ANGPT1: variants seen among roughly 807,000 people sequenced by gnomAD.
ANGPT1 encodes the protein angiopoietin 1.
In ANGPT1, 17 loss-of-function variants were observed where a neutral mutation model predicts 62.2. The ratio of observed to expected loss-of-function variants is 0.27; its 90% CI spans 0.19 to 0.41. ANGPT1 has a LOEUF of 0.41. Among genes scored for constraint, ANGPT1 ranks in the 10% least tolerant of loss-of-function variants. ANGPT1 has a pLI of 1.00. For missense variants in ANGPT1, 478 were observed against 594.9 expected, an observed-to-expected ratio of 0.80 and a Z score of 2.04; for synonymous variants, 199 against 198.9, an observed-to-expected ratio of 1.00 and a Z score of 0.00.
chr8:107,469,755 T>C (rs1489485874), intron 1 of ANGPT1, among the ~76,000 whole-genome samples: 1 of 152,110 alleles, frequency 6.6e-6, no homozygotes, highest in Admixed American at 6.6e-5. Flanking sequence ...CTGCAATACA[T>C]GCTTTTTTTG....
At chr8:107,379,270 T>TC (rs33913970) in intron 1 of ANGPT1, among the ~76,000 whole-genome samples, 74,037 of 151,800 alleles carry the variant, frequency 0.49, 18,163 homozygotes, top group East Asian at 0.53. Context: ...GTAGACCACC[T>TC]CAATTGCTCC....
At chr8:107,434,032 T>G (rs1195552719) in intron 1 of ANGPT1, among the ~76,000 whole-genome samples, 1 of 152,218 alleles carries the variant, frequency 6.6e-6, no homozygotes, top group Middle Eastern at 3.2e-3. Flanking sequence ...CAAAATATCA[T>G]ACTCAGTGAG....
chr8:107,485,730 T>C (rs1276985848), intron 1 of ANGPT1, among the ~76,000 whole-genome samples: 1 of 152,206 alleles, frequency 6.6e-6, no homozygotes, highest in Non-Finnish European at 1.5e-5. Context: ...GCAAATAATA[T>C]TTTAAGTTCC....
chr8:107,393,250 T>C (rs1456723748), intron 1 of ANGPT1, among the ~76,000 whole-genome samples: 1 of 152,138 alleles, frequency 6.6e-6, no homozygotes, highest in Non-Finnish European at 1.5e-5. Context: ...AAGGCAAGAC[T>C]ATAGAGAACA....
At chr8:107,354,028 TCTC>T (rs749758258) in intron 1 of ANGPT1, among the ~76,000 whole-genome samples, 18 of 152,096 alleles carry the variant, frequency 1.2e-4, no homozygotes, top group South Asian at 6.2e-4. Context: ...AGGAACAAAT[TCTC>T]CTGCCATTGC....
intron 1 of ANGPT1, among the ~76,000 whole-genome samples, chr8:107,393,523 G>A (rs1051105396): frequency 6.6e-6 from 1 of 152,064 alleles, no homozygotes; most frequent in African/African-American, 2.4e-5. Context: ...AAAATTAGGG[G>A]GATGGGTTGG....
At chr8:107,335,907 G>T (rs2445361) in intron 3 of ANGPT1, among the ~76,000 whole-genome samples, 11,825 of 152,064 alleles carry the variant, frequency 0.078, 478 homozygotes, top group East Asian at 0.15. Flanking sequence ...TACCATTAGA[G>T]AAATTAATGC....
At chr8:107,285,316 C>T (rs1410107779) in intron 6 of ANGPT1, among the ~76,000 whole-genome samples, 1 of 152,072 alleles carries the variant, frequency 6.6e-6, no homozygotes, top group Admixed American at 6.6e-5. Context: ...ACAATAACTT[C>T]ATATTTAGGT....
At chr8:107,321,047 G>A (rs17296456) in intron 4 of ANGPT1, among the ~76,000 whole-genome samples, 24,709 of 151,976 alleles carry the variant, frequency 0.16, 2,649 homozygotes, top group Admixed American at 0.26. Context: ...GAGAAAGGCT[G>A]ATTAGAGAAA....
At chr8:107,480,208 A>C (rs1427420052) in intron 1 of ANGPT1, among the ~76,000 whole-genome samples, 1 of 152,230 alleles carries the variant, frequency 6.6e-6, no homozygotes, top group Admixed American at 6.5e-5. Flanking sequence ...AAGCTCATGG[A>C]AAGTGCATAA....
rs375099884 is a variant in ANGPT1 at position 107,279,688 on chromosome 8, T to G, written c.1205+4994A>C. ...AAATTAGTTACATATCTTGAATTTT[T>G]CCAAAATGGGTTCTACACTTTAAAA... is the stretch of plus-strand genomic sequence containing the variant. On this transcript the variant is annotated intron_variant, in intron 7 of 8. Transcript: ENST00000517746. Among the ~76,000 whole-genome samples, 211 of 152,050 alleles carry G rather than the reference T, an allele frequency of 1.4e-3. 2 individuals carry two copies. Among genetic ancestry groups the G allele is most frequent in the South Asian group, 9.1e-3 (44 of 4,810 alleles).
intron 1 of ANGPT1, among the ~76,000 whole-genome samples, chr8:107,353,172 A>G (rs1358476011): frequency 2.6e-5 from 4 of 152,214 alleles, no homozygotes; most frequent in African/African-American, 7.2e-5. Context: ...AAGAATATTT[A>G]CTATTTATGG....
intron 1 of ANGPT1, among the ~76,000 whole-genome samples, chr8:107,392,408 T>C (rs180939543): frequency 4.0e-4 from 61 of 152,298 alleles, no homozygotes; most frequent in African/African-American, 1.4e-3. Flanking sequence ...AATTATATTT[T>C]ATTGTCATTT....
At chr8:107,398,036 T>C (rs1423688799) in intron 1 of ANGPT1, among the ~76,000 whole-genome samples, 2 of 152,224 alleles carry the variant, frequency 1.3e-5, no homozygotes, top group Non-Finnish European at 2.9e-5. Flanking sequence ...CAGATTCTCC[T>C]GAACTGGCTT....
At chr8:107,295,161 G>C (rs1207850327) in intron 5 of ANGPT1, 2 of 152,172 alleles carry the variant, frequency 1.3e-5, no homozygotes, top group Non-Finnish European at 2.9e-5. Context: ...AAGGGTCCAA[G>C]ATATACATGC....
chr8:107,302,896 T>C (rs912328480), intron 5 of ANGPT1, among the ~76,000 whole-genome samples: 10 of 151,892 alleles, frequency 6.6e-5, no homozygotes, highest in Admixed American at 5.9e-4. Context: ...CTCTGGATTG[T>C]TGGGTCTTTG....
intron 1 of ANGPT1, among the ~76,000 whole-genome samples, chr8:107,487,927 T>C (rs1185738228): frequency 6.6e-6 from 1 of 152,172 alleles, no homozygotes; most frequent in Non-Finnish European, 1.5e-5. Context: ...TTCTTGACAA[T>C]GAATTCTGCT....
At chr8:107,257,880 C>CTTTTTTTTTTTTTTTT (rs1813399177) in intron 8 of ANGPT1, among the ~76,000 whole-genome samples, 1 of 115,822 alleles carries the variant, frequency 8.6e-6, no homozygotes, top group African/African-American at 3.2e-5. Flanking sequence ...GTTTTTGTTT[C>CTTTTTTTTTTTTTTTT]TTTTTTGTTT....
intron 6 of ANGPT1, among the ~76,000 whole-genome samples, chr8:107,291,701 G>A (rs1019389140): frequency 2.0e-5 from 3 of 152,002 alleles, no homozygotes; most frequent in Admixed American, 6.6e-5. Context: ...TTGAGCTACC[G>A]TGCCTGGCCT....
Sources: gnomAD v4.1 joint callset for allele counts (sites outside exome capture counted in the v4.1 genomes callset) on GRCh38, gnomAD v4.1.1 for gene constraint, MANE v1.5 for transcripts, NCBI Gene and HGNC (gene_info 2026-07-23, HGNC 2026-07-21) for gene names.